MSI2: variants seen among roughly 807,000 people sequenced by gnomAD.
MSI2 encodes the protein RNA-binding protein Musashi homolog 2.
MSI2 carries 17 observed loss-of-function variants against 45.6 expected under a neutral mutation model. The observed-to-expected ratio is 0.37, with a 90% confidence interval of 0.26 to 0.56. The LOEUF (loss-of-function observed/expected upper bound fraction) is 0.56, where lower values mean the gene tolerates loss of function less well. Ranked by LOEUF, MSI2 falls within the 20% of genes least tolerant of loss-of-function variation. The probability of loss-of-function intolerance (pLI) is 0.77; values close to 1 mark genes in which losing one functional copy is unlikely to be tolerated. For missense variants in MSI2, 293 were observed against 444.2 expected, an observed-to-expected ratio of 0.66 and a Z score of 3.06; for synonymous variants, 156 against 158.2, an observed-to-expected ratio of 0.99 and a Z score of 0.11.
chr17:57,530,823 G>A (rs563874474), intron 7 of MSI2, among the ~76,000 whole-genome samples: 4 of 152,246 alleles, frequency 2.6e-5, no homozygotes, highest in South Asian at 4.1e-4. Flanking sequence ...CATTGCTGGC[G>A]GGGCTGGGAG....
chr17:57,363,105 C>T (rs1248457420), intron 5 of MSI2, among the ~76,000 whole-genome samples: 3 of 152,186 alleles, frequency 2.0e-5, no homozygotes, highest in African/African-American at 7.2e-5. Flanking sequence ...AAGGTGGAAA[C>T]AACCCAAATG....
rs115809929 is a variant in MSI2 at position 57,285,310 on chromosome 17, G to A, written c.312+23118G>A. On this transcript the variant is annotated intron_variant, in intron 5 of 13. Transcript: ENST00000284073. Reference sequence around the variant, plus strand: ...GAAAGCCTTTTTGTTTTCTTTTGCCGACTTCTTCCAATAGCTTAGAGCAAA... The same window carrying A: ...GAAAGCCTTTTTGTTTTCTTTTGCCAACTTCTTCCAATAGCTTAGAGCAAA... Among the ~76,000 whole-genome samples the A allele has an allele frequency of 2.0e-5, 3 of 152,158 alleles. No individual in the cohort carries two copies. In the East Asian group the frequency reaches 5.8e-4, roughly 29 times the overall value.
chr17:57,531,390 C>A (rs2086818874), intron 7 of MSI2, among the ~76,000 whole-genome samples: 1 of 152,198 alleles, frequency 6.6e-6, no homozygotes, highest in Non-Finnish European at 1.5e-5. Flanking sequence ...GCGTTATCAT[C>A]ACCTCCGTCC....
intron 6 of MSI2, among the ~76,000 whole-genome samples, chr17:57,424,862 G>A (rs1431442372): frequency 6.6e-6 from 1 of 152,150 alleles, no homozygotes; most frequent in Admixed American, 6.5e-5. Context: ...AGAACCAAGA[G>A]GGAGGAGCTT....
chr17:57,687,779 T>A (rs1913912741), downstream of MSI2, among the ~76,000 whole-genome samples: 1 of 152,012 alleles, frequency 6.6e-6, no homozygotes, highest in Non-Finnish European at 1.5e-5. Flanking sequence ...AAAAAATATA[T>A]CTACAGACTT....
At chr17:57,633,519 C>A (rs8079426) in intron 10 of MSI2, among the ~76,000 whole-genome samples, 105,171 of 152,212 alleles carry the variant, frequency 0.69, 37,520 homozygotes, top group African/African-American at 0.86. Flanking sequence ...GTGTGTGCGC[C>A]GTCTTACCCT....
intron 10 of MSI2, among the ~76,000 whole-genome samples, chr17:57,650,234 C>A (rs936670209): frequency 6.6e-6 from 1 of 151,852 alleles, no homozygotes; most frequent in African/African-American, 2.4e-5. Context: ...TCCCCCAAGT[C>A]TTTCCGTGCT....
chr17:57,524,126 G>A (rs1269431721), intron 6 of MSI2, among the ~76,000 whole-genome samples: 1 of 152,242 alleles, frequency 6.6e-6, no homozygotes, highest in Non-Finnish European at 1.5e-5. Flanking sequence ...TCCTGCATCA[G>A]GCTAGCCTGG....
intron 5 of MSI2, among the ~76,000 whole-genome samples, chr17:57,271,137 G>A (rs1173340166): frequency 4.6e-5 from 7 of 152,246 alleles, no homozygotes; most frequent in African/African-American, 1.7e-4. Context: ...TATCTGCCCG[G>A]GGGTAGCTCT....
At chr17:57,622,907 C>G (rs563332087) in intron 9 of MSI2, among the ~76,000 whole-genome samples, 3 of 152,300 alleles carry the variant, frequency 2.0e-5, no homozygotes, top group Non-Finnish European at 4.4e-5. Context: ...GCAGTGCAGT[C>G]CAATAGAACT....
chr17:57,489,557 G>A (rs1404356738), intron 6 of MSI2, among the ~76,000 whole-genome samples: 4 of 152,236 alleles, frequency 2.6e-5, no homozygotes, highest in South Asian at 4.1e-4. Context: ...AGAGGCCGGC[G>A]GGGCCAGCTG....
At chr17:57,679,281 T>G (rs1913455661) in intron 13 of MSI2, among the ~76,000 whole-genome samples, 1 of 152,222 alleles carries the variant, frequency 6.6e-6, no homozygotes, top group South Asian at 2.1e-4. Flanking sequence ...AACCCTATGG[T>G]ACTATATCAA....
At chr17:57,635,462 G>A (rs1310105411) in intron 10 of MSI2, among the ~76,000 whole-genome samples, 1 of 152,234 alleles carries the variant, frequency 6.6e-6, no homozygotes, top group African/African-American at 2.4e-5. Context: ...CTGGCTGGTG[G>A]TTCTTTGAGC....
chr17:57,348,959 C>T (rs1489393814), intron 5 of MSI2, among the ~76,000 whole-genome samples: 1 of 152,172 alleles, frequency 6.6e-6, no homozygotes, highest in Non-Finnish European at 1.5e-5. Flanking sequence ...CTGTCCAAGC[C>T]TTTTATCTCA....
At chr17:57,665,572 G>GGGCT (rs1567967253) in intron 11 of MSI2, among the ~76,000 whole-genome samples, 1 of 152,136 alleles carries the variant, frequency 6.6e-6, no homozygotes. Flanking sequence ...GGTCCTCAAG[G>GGGCT]GGCTGCCCCT....
chr17:57,455,911 A>G (rs1349465593), intron 6 of MSI2, among the ~76,000 whole-genome samples: 1 of 152,204 alleles, frequency 6.6e-6, no homozygotes, highest in African/African-American at 2.4e-5. Flanking sequence ...GGTGTTAGGC[A>G]CAGACTCTTT....
intron 5 of MSI2, among the ~76,000 whole-genome samples, chr17:57,388,769 T>C (rs1248356543): frequency 1.3e-5 from 2 of 152,064 alleles, no homozygotes; most frequent in East Asian, 3.9e-4. Flanking sequence ...TTCTCATGCC[T>C]CAGCCTCCCA....
At chr17:57,266,965 C>G (rs6503801) in intron 5 of MSI2, 11,222 of 152,422 alleles carry the variant, frequency 0.074, 525 homozygotes, top group African/African-American at 0.12. Context: ...CTGCTAAGCA[C>G]GCATCCAGAT....
At chr17:57,665,961 C>G (rs567340010) in intron 11 of MSI2, among the ~76,000 whole-genome samples, 1 of 152,190 alleles carries the variant, frequency 6.6e-6, no homozygotes, top group South Asian at 2.1e-4. Flanking sequence ...AGTCCTGTAT[C>G]TCTTGGGGCA....
Sources: allele counts gnomAD v4.1 joint callset (sites outside exome capture counted in the v4.1 genomes callset), GRCh38; gene constraint gnomAD v4.1.1; transcripts MANE v1.5; gene names NCBI Gene and HGNC (gene_info 2026-07-23, HGNC 2026-07-21).